The following PDK2 variants were observed in gnomAD, a reference collection of about 807,000 sequenced individuals.
PDK2 encodes the protein pyruvate dehydrogenase kinase, isozyme 2.
PDK2 carries 34 observed loss-of-function variants against 50.4 expected under a neutral mutation model. The observed-to-expected ratio is 0.68, with a 90% CI of 0.51 to 0.90. PDK2 has a LOEUF of 0.90. PDK2 is among the 40% of genes least tolerant of loss of function. PDK2 has a pLI of 0.00. For synonymous variants in PDK2, 232 were observed against 216.0 expected (o/e 1.07, Z -0.65); for missense variants, 377 against 544.5 (o/e 0.69, Z 3.06).
At chr17:50,108,804 C>A (rs1434447277) in intron 9 of PDK2, 85 bp downstream of exon 9, 1 of 837,056 alleles carries the variant, frequency 1.2e-6, no homozygotes, top group Non-Finnish European at 1.9e-6. Flanking sequence ...GCTCACTCAG[C>A]TTCTGTGTGG....
intron 1 of PDK2, 59 bp from the exon 2 acceptor site, chr17:50,097,364 G>A (rs1347968506): frequency 1.9e-6 from 3 of 1,583,780 alleles, no homozygotes; most frequent in Non-Finnish European, 2.6e-6. Context: ...ACCTGGCCGA[G>A]ACATCCTTTG....
Position 50,110,132 on chromosome 17 carries a change from T to A in PDK2, c.*35T>A, listed in dbSNP as rs746524634. 1.9e-6 allele frequency: 3 copies of A among 1,549,948 alleles called. No homozygotes were observed. Among genetic ancestry groups the A allele is most frequent in the Non-Finnish European group, 2.6e-6 (3 of 1,142,512 alleles). On this transcript the variant is annotated 3_prime_UTR_variant, in exon 11 of 11. Transcript: ENST00000503176. Reference sequence around the variant, plus strand: ...TGCATCTGCACCTGAGAGGACGGACTGCCGCCTCTGGGTCCCCCCACCGTG... The same window carrying A: ...TGCATCTGCACCTGAGAGGACGGACAGCCGCCTCTGGGTCCCCCCACCGTG...
At chr17:50,100,544 G>A (rs12452327) in intron 2 of PDK2, among the ~76,000 whole-genome samples, 15 of 152,222 alleles carry the variant, frequency 9.9e-5, no homozygotes, top group African/African-American at 2.9e-4. Flanking sequence ...CCAGGCTGCC[G>A]GGCAGCAACA....
At chr17:50,100,534 C>T (rs1910170938) in intron 2 of PDK2, among the ~76,000 whole-genome samples, 2 of 152,182 alleles carry the variant, frequency 1.3e-5, no homozygotes, top group African/African-American at 4.8e-5. Context: ...AGGCATATCC[C>T]CAGGCTGCCG....
intron 4 of PDK2, 83 bp downstream of exon 4, chr17:50,106,152 G>T: frequency 2.6e-6 from 4 of 1,545,346 alleles, no homozygotes; most frequent in South Asian, 2.4e-5. Flanking sequence ...AGGGGACCTA[G>T]ACCACTCTTC....
Position 50,105,390 on chromosome 17 carries a change from G to A in PDK2, c.280G>A (p.Asp94Asn). The A allele has an allele frequency of 6.2e-7, 1 of 1,613,660 alleles. No individual in the cohort carries two copies. The highest frequency in any genetic ancestry group is 8.5e-7 in the Non-Finnish European group (1 of 1,179,822). The stretch of plus-strand genomic sequence containing the variant: ...ACACAGGTATGTCCAGAGCCTCCTG[G>A]ACATCATGGAGTTCCTGGACAAGGA... ...VQSWYVQSLL[D>N]IMEFLDKDPE... Residue 94 changes from aspartate (D) to asparagine (N), a missense_variant, in exon 3 of 11, where the codon GAC (aspartate) becomes AAC (asparagine). Asp to Asn is a conservative substitution (Grantham distance 23). This residue lies in a region of PDK2 where 100 missense variants were observed against 115.5 expected (regional missense o/e 0.87). Transcript: ENST00000503176.
rs1910228028 is a variant in PDK2 at position 50,101,517 on chromosome 17, C to A, written c.261-3854C>A. Among the ~76,000 whole-genome samples the A allele has an allele frequency of 6.6e-6, 1 of 152,168 alleles. No homozygotes were observed. The highest frequency in any genetic ancestry group is 1.5e-5 in the Non-Finnish European group (1 of 68,022). On this transcript the variant is annotated intron_variant, in intron 2 of 10. Transcript: ENST00000503176. The surrounding 1 kb of genome is among the most constrained non-coding windows in gnomAD (Gnocchi z 4.2). ...GTGCAGCGAGCACCCTCCTCCCCAG[C>A]CTTTGCCTTGTTTACACCCTGCTCC...
chr17:50,111,605 G>C lies in PDK2; in HGVS notation c.*1508G>C, dbSNP rs1910851221. 1 of 152,358 alleles carries C rather than the reference G, an allele frequency of 6.6e-6. No individual in the cohort carries two copies. Among genetic ancestry groups the C allele is most frequent in the African/African-American group, 2.4e-5 (1 of 41,458 alleles). 9.4% of individuals were successfully genotyped at this position (152,358 alleles called of 1,614,324 possible). Reference sequence around the variant, plus strand: ...GGAATGAGGGAGCCAGCATGCATTGGTGCCATCTGCCGCTCTGTCTGGGCA... The same window carrying C: ...GGAATGAGGGAGCCAGCATGCATTGCTGCCATCTGCCGCTCTGTCTGGGCA... On this transcript the variant is annotated 3_prime_UTR_variant, in exon 11 of 11. Coordinates refer to ENST00000503176, the MANE Select transcript of PDK2 (RefSeq NM_002611.5).
rs1274106409 is a variant in PDK2, at chr17:50,109,855, C to T, written c.1084-102C>T. 1.3e-5 allele frequency: 17 copies of T among 1,299,428 alleles called. No individual in the cohort carries two copies. Among genetic ancestry groups the T allele is most frequent in the South Asian group, 1.8e-5 (1 of 56,106 alleles). The allele number at this position is 1,299,428 out of a possible 1,614,324, so 80.5% of individuals were successfully genotyped here. On this transcript the variant is annotated intron_variant, in intron 10 of 10. Transcript: ENST00000503176. This position sits in a 1 kb window ranked among gnomAD's most constrained non-coding sequence, Gnocchi z 5.0. ...CCCTTTTGTGGTCTTTCCAGGCCCCCGTGTCTGGCAGCTGGGCTGCCGCTG... is the reference window on the plus strand; with the variant it reads ...CCCTTTTGTGGTCTTTCCAGGCCCCTGTGTCTGGCAGCTGGGCTGCCGCTG...
intron 2 of PDK2, among the ~76,000 whole-genome samples, chr17:50,099,227 T>C (rs2144349364): frequency 6.6e-6 from 1 of 152,204 alleles, no homozygotes; most frequent in African/African-American, 2.4e-5. Flanking sequence ...CTGACCTGGC[T>C]GCCTCTCCAC....
Position 50,110,019 on chromosome 17 carries a change from C to G in PDK2, c.1146C>G (p.Tyr382Ter), listed in dbSNP as rs1910744631. The part of the protein sequence containing the change: ...PVYNKSAWRH[Y>*]QTIQEAGDWC... ...ACAACAAGTCAGCCTGGCGCCACTA[C>G]CAGACCATCCAGGAGGCCGGCGACT... is the stretch of plus-strand genomic sequence containing the variant. Residue 382 changes from tyrosine (Y) to a stop codon, truncating the protein, a stop_gained, in exon 11 of 11, where the codon TAC becomes TAG. Coordinates refer to ENST00000503176, the MANE Select transcript of PDK2 (RefSeq NM_002611.5). LOFTEE classifies it high-confidence loss of function. 2 of 1,606,864 alleles carry G rather than the reference C, an allele frequency of 1.2e-6. No homozygotes were observed. The highest frequency in any genetic ancestry group is 2.7e-5 in the African/African-American group (2 of 74,818).
At chr17:50,103,058 T>C (rs1016247257) in intron 2 of PDK2, among the ~76,000 whole-genome samples, 2 of 152,244 alleles carry the variant, frequency 1.3e-5, no homozygotes, top group African/African-American at 4.8e-5. Context: ...TGAGAGACCC[T>C]GTGTGGGACT....
In PDK2 at chr17:50,108,562, G is replaced by A. The variant is rs745415385; in HGVS notation, c.862-50G>A. On this transcript the variant is annotated intron_variant, in intron 8 of 10. Coordinates refer to ENST00000503176, the MANE Select transcript of PDK2 (RefSeq NM_002611.5). ...GAGAAGGTCAGGGGTATTGGGCGGG[G>A]TGGGGAAAATGAGCTGTAAAGAATC... The A allele has an allele frequency of 1.7e-5, 25 of 1,467,956 alleles. No homozygotes were observed. The East Asian group carries it at 5.7e-4, about 34-fold the overall frequency. 90.9% of individuals were successfully genotyped at this position (1,467,956 alleles called of 1,614,324 possible). A position where few individuals can be genotyped will look rare whatever the true frequency, so the allele number is the denominator to read the frequency against.
chr17:50,101,803 A>G lies in PDK2; in HGVS notation c.261-3568A>G, dbSNP rs1237903466. The stretch of plus-strand genomic sequence containing the variant: ...CTCCTTCTCATTCCTGGGGCTCTGG[A>G]CTGGCTCTGGAGCCCTGGAAAGCAG... On this transcript the variant is annotated intron_variant, in intron 2 of 10. Transcript: ENST00000503176. The surrounding 1 kb of genome is among the most constrained non-coding windows in gnomAD (Gnocchi z 4.2). 6.6e-6 allele frequency: 1 copy of G among 152,004 alleles called. No individual in the cohort carries two copies. Among genetic ancestry groups the G allele is most frequent in the East Asian group, 1.9e-4 (1 of 5,142 alleles). The allele number at this position is 152,004 out of a possible 1,614,324, so 9.4% of individuals were successfully genotyped here. A position where few individuals can be genotyped will look rare whatever the true frequency, so the allele number is the denominator to read the frequency against.
chr17:50,107,065 T>A lies in PDK2; in HGVS notation c.608-11T>A. 1 of 1,613,622 alleles carries A rather than the reference T, an allele frequency of 6.2e-7. No homozygotes were observed. Among genetic ancestry groups the A allele is most frequent in the Non-Finnish European group, 8.5e-7 (1 of 1,179,562 alleles). On this transcript the variant is annotated splice_polypyrimidine_tract_variant and intron_variant, in intron 5 of 10. Coordinates refer to ENST00000503176, the MANE Select transcript of PDK2 (RefSeq NM_002611.5). The stretch of plus-strand genomic sequence containing the variant: ...GCCACCCATGCCCTGAATGACCCCA[T>A]CTTCTCTCAGATGCCTACGACATGG...
intron 9 of PDK2, among the ~76,000 whole-genome samples, chr17:50,108,926 C>T (rs938395084): frequency 6.6e-6 from 1 of 152,116 alleles, no homozygotes; most frequent in Non-Finnish European, 1.5e-5. Context: ...CCTCCATCTT[C>T]CCTCTCTTCT....
Position 50,107,172 on chromosome 17 carries a change from G to A in PDK2, c.685+19G>A, listed in dbSNP as rs775873524. ...ATCAATGGTGAGTGAGCGGGGCTGT[G>A]TATGTGTCTGTCTTGGGGCTGGGGA... On this transcript the variant is annotated intron_variant, in intron 6 of 10. Coordinates refer to ENST00000503176, the MANE Select transcript of PDK2 (RefSeq NM_002611.5). The A allele has an allele frequency of 1.1e-5, 18 of 1,607,650 alleles. No individual in the cohort carries two copies. Among genetic ancestry groups the A allele is most frequent in the Non-Finnish European group, 1.4e-5 (17 of 1,174,268 alleles).
At position 50,110,000 on chromosome 17, in the gene PDK2, A is replaced by G. The variant is rs1910743684; in HGVS notation, c.1127A>G (p.Lys376Arg). 6.3e-7 allele frequency: 1 copy of G among 1,598,008 alleles called. No individual in the cohort carries two copies. Among genetic ancestry groups the G allele is most frequent in the Non-Finnish European group, 8.5e-7 (1 of 1,172,618 alleles). ...GTGGAGCGCCTGCCTGTCTACAACAAGTCAGCCTGGCGCCACTACCAGACC... is the reference window on the plus strand; with the variant it reads ...GTGGAGCGCCTGCCTGTCTACAACAGGTCAGCCTGGCGCCACTACCAGACC... ...DSVERLPVYN[K>R]SAWRHYQTIQ... is the part of the protein sequence containing the mutation. The change falls in exon 11 of 11, where the codon AAG becomes AGG. Residue 376 changes from lysine to arginine, a missense_variant. This residue lies in a region of PDK2 where 214 missense variants were observed against 294.0 expected (regional missense o/e 0.73). Coordinates refer to ENST00000503176, the MANE Select transcript of PDK2 (RefSeq NM_002611.5). The surrounding 1 kb of genome is among the most constrained non-coding windows in gnomAD (Gnocchi z 5.0).
chr17:50,096,086 A>T (rs1909924816), intron 1 of PDK2: 2 of 983,618 alleles, frequency 2.0e-6, no homozygotes, highest in Non-Finnish European at 2.4e-6. Context: ...CTTTCAGAAG[A>T]TGCCATTGGG....
Sources: allele counts gnomAD v4.1 joint callset (sites outside exome capture counted in the v4.1 genomes callset), GRCh38; gene constraint gnomAD v4.1.1; regional missense constraint gnomAD v4.1.1; non-coding constraint Gnocchi (gnomAD v3.1); transcripts MANE v1.5; gene names NCBI Gene and HGNC (gene_info 2026-07-23, HGNC 2026-07-21).